Variants in CCDC81 observed in about 807,000 individuals in gnomAD.
The protein encoded by CCDC81 is coiled-coil domain containing 81.
A neutral mutation model predicts 83.7 loss-of-function variants in CCDC81; 79 were observed. The observed-to-expected ratio is 0.94, with a 90% CI of 0.79 to 1.14. CCDC81 has a LOEUF of 1.14. CCDC81 is among the 50% of genes most tolerant of loss of function. The pLI is 0.00. For missense variants in CCDC81, 791 were observed against 778.1 expected, an observed-to-expected ratio of 1.02 and a Z score of -0.20; for synonymous variants, 252 against 278.1, an observed-to-expected ratio of 0.91 and a Z score of 0.93.
Position 86,423,045 on chromosome 11 carries a change from T to C in CCDC81, c.*330T>C. 4.1e-6 allele frequency: 1 copy of C among 244,748 alleles called. No homozygotes were observed. The highest frequency in any genetic ancestry group is 7.9e-6 in the Non-Finnish European group (1 of 126,912). 15.2% of individuals were successfully genotyped at this position (244,748 alleles called of 1,614,324 possible). A position where few individuals can be genotyped will look rare whatever the true frequency, so the allele number is the denominator to read the frequency against. On this transcript the variant is annotated 3_prime_UTR_variant, in exon 15 of 15. Transcript: ENST00000445632. ...CAGCCCTGCTGCTGCTCCATGACTT[T>C]GTGTACAAAACTTTTTTCATCTGTA...
Position 86,402,645 on chromosome 11 carries a change from G to T in CCDC81, c.881+1844G>T, listed in dbSNP as rs1311338801. On this transcript the variant is annotated intron_variant, in intron 7 of 14. Coordinates refer to ENST00000445632, the MANE Select transcript of CCDC81 (RefSeq NM_001156474.2). ...TAAAGTTAAATTTCAGAGATAAGAG[G>T]TGAGTCCATTTTCATGCCTTTGATA... Among the ~76,000 whole-genome samples the T allele has an allele frequency of 3.3e-5, 5 of 152,124 alleles. No homozygotes were observed. The South Asian group carries it at 1.0e-3, about 32-fold the overall frequency.
intron 7 of CCDC81, among the ~76,000 whole-genome samples, chr11:86,404,081 A>G (rs1948531801): frequency 6.6e-6 from 1 of 152,202 alleles, no homozygotes; most frequent in Non-Finnish European, 1.5e-5. Flanking sequence ...TAAAAAAAAT[A>G]CAAATGAATC....
intron 1 of CCDC81, among the ~76,000 whole-genome samples, chr11:86,376,035 T>A (rs892599466): frequency 6.6e-5 from 10 of 152,224 alleles, no homozygotes; most frequent in Admixed American, 6.5e-4. Flanking sequence ...CTTAATGAAT[T>A]TAAAAACATT....
chr11:86,387,876 A>C (rs1387627238), intron 3 of CCDC81, among the ~76,000 whole-genome samples: 1 of 152,216 alleles, frequency 6.6e-6, no homozygotes, highest in Non-Finnish European at 1.5e-5. Flanking sequence ...CCAGTAACCT[A>C]AGAGGAAGGA....
In CCDC81 at chr11:86,387,594, A is replaced by T. The variant is rs748260983; in HGVS notation, c.220A>T (p.Ile74Phe). The change falls in exon 3 of 15, where the codon ATC becomes TTC. Residue 74 changes from isoleucine to phenylalanine, a missense_variant. Physicochemically the swap from Ile to Phe is conservative, Grantham distance 21 (BLOSUM62 0). Coordinates refer to ENST00000445632, the MANE Select transcript of CCDC81 (RefSeq NM_001156474.2). ...GGTGGGAAACAACAAATTTATCTTA[A>T]TCCAGAGGCCTGTGTTTATCATGGT... ...LEVGNNKFIL[I>F]QRPVFIMVEK... 1 of 1,613,204 alleles carries T rather than the reference A, an allele frequency of 6.2e-7. No individual in the cohort carries two copies. Among genetic ancestry groups the T allele is most frequent in the Non-Finnish European group, 8.5e-7 (1 of 1,179,160 alleles).
chr11:86,406,909 G>A (rs976017397), intron 7 of CCDC81, among the ~76,000 whole-genome samples: 3 of 152,062 alleles, frequency 2.0e-5, no homozygotes, highest in Non-Finnish European at 4.4e-5. Flanking sequence ...ATTAATACTA[G>A]TATTAATATT....
intron 13 of CCDC81, among the ~76,000 whole-genome samples, chr11:86,415,626 G>A (rs1307434004): frequency 3.9e-5 from 6 of 152,140 alleles, no homozygotes; most frequent in African/African-American, 1.4e-4. Context: ...TAGCATATGA[G>A]AGTTCTAGTC....
At chr11:86,376,668 G>A (rs1310050423) in intron 1 of CCDC81, among the ~76,000 whole-genome samples, 1 of 152,134 alleles carries the variant, frequency 6.6e-6, no homozygotes, top group Non-Finnish European at 1.5e-5. Flanking sequence ...GATTTGGGTG[G>A]GGAAACAAAG....
At chr11:86,421,991 GAAAAACCATC>G in intron 14 of CCDC81, among the ~76,000 whole-genome samples, 1 of 151,922 alleles carries the variant, frequency 6.6e-6, no homozygotes, top group African/African-American at 2.4e-5. Context: ...GCGTAACGAA[GAAAAACCATC>G]AAAGGGGAAA....
intron 5 of CCDC81, 96 bp downstream of exon 5, chr11:86,395,509 T>A (rs1948394865): frequency 4.3e-6 from 4 of 934,830 alleles, no homozygotes; most frequent in Middle Eastern, 2.5e-4. Context: ...TTGTAGCTCA[T>A]GTTCCTTTTA....
chr11:86,378,230 G>C (rs1565756049), intron 1 of CCDC81, among the ~76,000 whole-genome samples: 1 of 151,990 alleles, frequency 6.6e-6, no homozygotes, highest in Non-Finnish European at 1.5e-5. Context: ...CTTGTCCCAT[G>C]TGTTATCTAG....
chr11:86,399,729 T>C (rs886158818), intron 6 of CCDC81, among the ~76,000 whole-genome samples: 1 of 152,094 alleles, frequency 6.6e-6, no homozygotes, highest in Non-Finnish European at 1.5e-5. Context: ...TCCATCCTAC[T>C]CACCTTTTAG....
chr11:86,392,697 G>C lies in CCDC81; in HGVS notation c.455G>C (p.Gly152Ala). 2 of 1,551,678 alleles carry C rather than the reference G, an allele frequency of 1.3e-6. No individual in the cohort carries two copies. The highest frequency in any genetic ancestry group is 1.7e-6 in the Non-Finnish European group (2 of 1,146,972). The change falls in exon 4 of 15, where the codon GGG (glycine) becomes GCG (alanine). Residue 152 changes from glycine to alanine, a missense_variant. Transcript: ENST00000445632. The part of the protein sequence containing the change: ...QNVEFTFKGI[G>A]VLMIRDSKVK... ...GTGGAGTTTACATTCAAAGGAATTG[G>C]GGTCCTCATGATCAGAGACAGCAAA... is the stretch of plus-strand genomic sequence containing the variant.
chr11:86,385,153 C>T (rs987291486), intron 1 of CCDC81, among the ~76,000 whole-genome samples: 6 of 152,228 alleles, frequency 3.9e-5, no homozygotes, highest in South Asian at 2.1e-4. Context: ...TTTGGGAGGC[C>T]GAGGCGGGTG....
intron 11 of CCDC81, among the ~76,000 whole-genome samples, chr11:86,413,957 C>T (rs1245675756): frequency 6.6e-6 from 1 of 152,056 alleles, no homozygotes; most frequent in Non-Finnish European, 1.5e-5. Flanking sequence ...ACTCCTAAAA[C>T]AAATAAGAAG....
chr11:86,406,706 G>A (rs1593932112), intron 7 of CCDC81, among the ~76,000 whole-genome samples: 1 of 152,148 alleles, frequency 6.6e-6, no homozygotes, highest in Non-Finnish European at 1.5e-5. Context: ...TCAGGAGGCC[G>A]AGGCAGGAGA....
At chr11:86,411,266 T>C (rs1948637835) in intron 10 of CCDC81, among the ~76,000 whole-genome samples, 1 of 152,170 alleles carries the variant, frequency 6.6e-6, no homozygotes, top group Non-Finnish European at 1.5e-5. Context: ...GCCTAGCTTG[T>C]TTCCATCTAG....
chr11:86,407,941 G>A (rs928115647), intron 8 of CCDC81, among the ~76,000 whole-genome samples, 186 bp from the exon 9 acceptor site: 1 of 152,238 alleles, frequency 6.6e-6, no homozygotes, highest in African/African-American at 2.4e-5. Flanking sequence ...CTGATGAAGT[G>A]AGAGTTCAGA....
At chr11:86,377,288 TAA>T (rs1279228911) in intron 1 of CCDC81, among the ~76,000 whole-genome samples, 2 of 152,286 alleles carry the variant, frequency 1.3e-5, no homozygotes, top group Admixed American at 6.5e-5. Context: ...AAACTGGATA[TAA>T]GTTTTCAATT....
Sources: gnomAD v4.1 joint callset for allele counts (sites outside exome capture counted in the v4.1 genomes callset) on GRCh38, gnomAD v4.1.1 for gene constraint, MANE v1.5 for transcripts, NCBI Gene and HGNC (gene_info 2026-07-23, HGNC 2026-07-21) for gene names.